The following ASB4 variants were observed in gnomAD, a reference collection of about 807,000 sequenced individuals.
ASB4 encodes the protein ankyrin repeat and SOCS box protein 4.
In ASB4, 35 loss-of-function variants were observed where a neutral mutation model predicts 38.6. The ratio of observed to expected loss-of-function variants is 0.91; its 90% CI spans 0.69 to 1.20. The LOEUF (loss-of-function observed/expected upper bound fraction) is 1.20. Among genes scored for constraint, ASB4 ranks in the 50% most tolerant of loss-of-function variants. ASB4 has a pLI of 0.00. For synonymous variants in ASB4, 195 were observed against 201.3 expected (o/e 0.97, Z 0.26); for missense variants, 557 against 527.2 (o/e 1.06, Z -0.55).
At chr7:95,529,953 G>A (rs559504216) in intron 3 of ASB4, among the ~76,000 whole-genome samples, 8 of 152,026 alleles carry the variant, frequency 5.3e-5, no homozygotes, top group African/African-American at 1.9e-4. Context: ...TAACACCTCC[G>A]AAGTGTCAGG....
At chr7:95,513,242 GTTTTTTGTTTGT>G (rs1790508031) in intron 2 of ASB4, among the ~76,000 whole-genome samples, 2 of 49,696 alleles carry the variant, frequency 4.0e-5, no homozygotes, top group South Asian at 1.5e-3. Context: ...GGTTTTTTTT[GTTTTTTGTTTGT>G]TTTTTTTTTT....
At chr7:95,534,140 T>A (rs1443685558) in intron 3 of ASB4, among the ~76,000 whole-genome samples, 3 of 152,140 alleles carry the variant, frequency 2.0e-5, no homozygotes, top group African/African-American at 7.2e-5. Context: ...AGGTCATAAA[T>A]TCAACACCAG....
At chr7:95,479,612 T>C (rs1790007151) in intron 1 of ASB4, among the ~76,000 whole-genome samples, 1 of 152,196 alleles carries the variant, frequency 6.6e-6, no homozygotes, top group Admixed American at 6.5e-5. Context: ...TTGTGTTAAA[T>C]ATTGAATATC....
chr7:95,503,198 T>A (rs1326019489), intron 2 of ASB4, among the ~76,000 whole-genome samples: 1 of 152,176 alleles, frequency 6.6e-6, no homozygotes, highest in Non-Finnish European at 1.5e-5. Flanking sequence ...CTAGAATAAT[T>A]TTTTTTAAAG....
rs150588244 is a variant in ASB4, at chr7:95,537,640, T to C, written c.1162T>C (p.Ser388Pro). The C allele has an allele frequency of 6.2e-7, 1 of 1,613,906 alleles. No homozygotes were observed. The highest frequency in any genetic ancestry group is 8.5e-7 in the Non-Finnish European group (1 of 1,179,828). ...CTCTCCAAGGACTCTCATGCACTTA[T>C]CGAGATGTGCCATTAGAAGAACATT... is the stretch of plus-strand genomic sequence containing the variant. The part of the protein sequence containing the change: ...CNSPRTLMHL[S>P]RCAIRRTLHN... Residue 388 changes from serine (S) to proline (P), a missense_variant, in exon 5 of 5, where the codon TCG (serine) becomes CCG (proline). Physicochemically the swap from Ser to Pro is moderately conservative, Grantham distance 74 (BLOSUM62 -1). Transcript: ENST00000325885.
downstream of ASB4, among the ~76,000 whole-genome samples, chr7:95,541,637 T>C (rs1248134534): frequency 6.6e-6 from 1 of 152,202 alleles, no homozygotes; most frequent in Non-Finnish European, 1.5e-5. Flanking sequence ...GCCAACCAAT[T>C]AATTTTTGCA....
rs571566984 is a variant in ASB4, at chr7:95,516,531, A to C, written c.488-11282A>C. Reference sequence around the variant, plus strand: ...AAAATGTGTCTCCCAAAGGATGAGAAGCAATATTCTGTGGAGTTGGCAGAT... The same window carrying C: ...AAAATGTGTCTCCCAAAGGATGAGACGCAATATTCTGTGGAGTTGGCAGAT... On this transcript the variant is annotated intron_variant, in intron 2 of 4. Coordinates refer to ENST00000325885, the MANE Select transcript of ASB4 (RefSeq NM_016116.3). Among the ~76,000 whole-genome samples, 323 of 152,212 alleles carry C rather than the reference A, an allele frequency of 2.1e-3. 1 individual carries two copies. The highest frequency in any genetic ancestry group is 2.9e-3 in the Non-Finnish European group (200 of 68,044).
chr7:95,475,018 T>C (rs1365235125), upstream of ASB4, among the ~76,000 whole-genome samples: 1 of 152,182 alleles, frequency 6.6e-6, no homozygotes, highest in African/African-American at 2.4e-5. Context: ...TTCTATACCC[T>C]GGCAAATGTT....
chr7:95,505,683 G>A (rs62467680), intron 2 of ASB4, among the ~76,000 whole-genome samples: 11,867 of 115,708 alleles, frequency 0.1, 552 homozygotes, highest in South Asian at 0.13. Context: ...TCCTCTATCC[G>A]TGTCCCCCCC....
At chr7:95,520,951 T>C (rs1790654024) in intron 2 of ASB4, among the ~76,000 whole-genome samples, 1 of 152,176 alleles carries the variant, frequency 6.6e-6, no homozygotes, top group Non-Finnish European at 1.5e-5. Flanking sequence ...AATTTCTTTC[T>C]CATTCTTTTT....
the ASB4 span, among the ~76,000 whole-genome samples, chr7:95,548,554 G>A: frequency 6.6e-6 from 1 of 152,184 alleles, no homozygotes; most frequent in Non-Finnish European, 1.5e-5. Context: ...CTCAGCAATG[G>A]TACCTAACAC....
the ASB4 span, among the ~76,000 whole-genome samples, chr7:95,473,072 G>GC: frequency 6.6e-6 from 1 of 152,180 alleles, no homozygotes; most frequent in Non-Finnish European, 1.5e-5. Context: ...GGGACGGGCA[G>GC]TGAGCTGATT....
chr7:95,478,148 GCAT>G (rs1789993935), upstream of ASB4, among the ~76,000 whole-genome samples: 1 of 152,112 alleles, frequency 6.6e-6, no homozygotes, highest in Non-Finnish European at 1.5e-5. Flanking sequence ...CTGCACCTCT[GCAT>G]CATAAATTTG....
intron 2 of ASB4, among the ~76,000 whole-genome samples, chr7:95,506,157 C>G (rs1294347899): frequency 6.6e-6 from 1 of 152,184 alleles, no homozygotes. Context: ...CCTAGGCCTA[C>G]AAAGTGCTGG....
chr7:95,549,300 C>CTTTTTTTTTTTTTTTTT, the ASB4 span, among the ~76,000 whole-genome samples: 1 of 83,088 alleles, frequency 1.2e-5, no homozygotes, highest in African/African-American at 6.4e-5. Context: ...TAGGAGACTC[C>CTTTTTTTTTTTTTTTTT]ATTTTTTTTT....
intron 3 of ASB4, among the ~76,000 whole-genome samples, chr7:95,535,625 A>G (rs1790880490): frequency 6.6e-6 from 1 of 152,226 alleles, no homozygotes; most frequent in Non-Finnish European, 1.5e-5. Context: ...TTTAATCTAA[A>G]TGTTAAAGCT....
intron 1 of ASB4, among the ~76,000 whole-genome samples, chr7:95,494,705 T>C (rs577106648): frequency 6.2e-4 from 94 of 152,278 alleles, no homozygotes; most frequent in Non-Finnish European, 2.9e-5. Flanking sequence ...GGCATTGACA[T>C]AGAAAGAAGG....
intron 3 of ASB4, among the ~76,000 whole-genome samples, chr7:95,532,578 T>TAC: frequency 6.6e-6 from 1 of 152,202 alleles, no homozygotes; most frequent in East Asian, 1.9e-4. Flanking sequence ...TAGGCAGTTC[T>TAC]CTTTGATCAT....
chr7:95,529,579 T>A (rs1285596710), intron 3 of ASB4, among the ~76,000 whole-genome samples: 2 of 152,186 alleles, frequency 1.3e-5, no homozygotes, highest in African/African-American at 4.8e-5. Flanking sequence ...AATCCTGTGA[T>A]CTCAATAGGA....
Sources: gnomAD v4.1 joint callset for allele counts (sites outside exome capture counted in the v4.1 genomes callset) on GRCh38, gnomAD v4.1.1 for gene constraint, MANE v1.5 for transcripts, NCBI Gene and HGNC (gene_info 2026-07-23, HGNC 2026-07-21) for gene names.